BABAM2: variants seen among roughly 807,000 people sequenced by gnomAD.
BABAM2 encodes the protein BRISC and BRCA1 A complex member 2, also known as BRISC and BRCA1-A complex member 2.
A neutral mutation model predicts 54.7 loss-of-function variants in BABAM2; 31 were observed. That is an observed-to-expected ratio of 0.57 (90% CI 0.43 to 0.77). BABAM2 has a LOEUF of 0.77. Among genes scored for constraint, BABAM2 ranks in the 30% least tolerant of loss-of-function variants. The probability of loss-of-function intolerance (pLI) is 0.00; values close to 1 mark genes in which losing one functional copy is unlikely to be tolerated. For synonymous variants in BABAM2, 167 were observed against 162.9 expected, an observed-to-expected ratio of 1.03 and a Z score of -0.19; for missense variants, 364 against 455.8, an observed-to-expected ratio of 0.80 and a Z score of 1.83.
intron 5 of BABAM2, among the ~76,000 whole-genome samples, chr2:28,035,766 T>C (rs1222949272): frequency 6.6e-6 from 1 of 152,196 alleles, no homozygotes; most frequent in Non-Finnish European, 1.5e-5. Flanking sequence ...TTTTTAACCT[T>C]ATTAATAAAA....
rs371922509 is a variant in BABAM2 at position 27,894,735 on chromosome 2, A to G, written c.128+51A>G. ...ATGTACCAGAACCAATTCAACCTTT[A>G]CCTAATGACAGCCCTTCCTTACCAG... On this transcript the variant is annotated intron_variant, in intron 2 of 11. Transcript: ENST00000379624. 98 of 1,603,026 alleles carry G rather than the reference A, an allele frequency of 6.1e-5. 2 individuals are homozygous for G. The African/African-American group carries it at 1.2e-3, about 19-fold the overall frequency.
At position 27,929,656 on chromosome 2, in the gene BABAM2, C is replaced by T. The variant is rs567390175; in HGVS notation, c.129-176C>T. Among the ~76,000 whole-genome samples the T allele has an allele frequency of 9.0e-4, 137 of 152,222 alleles. 3 individuals carry two copies. Among genetic ancestry groups the T allele is most frequent in the Non-Finnish European group, 8.7e-4 (59 of 68,010 alleles). ...AATAAATGAATTATTTGTTTTAGGA[C>T]GAGTCTTCATGTCTTGGCTTCCATG... On this transcript the variant is annotated intron_variant, in intron 2 of 11. Transcript: ENST00000379624.
intron 4 of BABAM2, among the ~76,000 whole-genome samples, chr2:27,998,218 G>C (rs1423630490): frequency 6.6e-6 from 1 of 152,032 alleles, no homozygotes; most frequent in Non-Finnish European, 1.5e-5. Context: ...ATTGTCTTTG[G>C]TTGGTCGTCT....
At chr2:27,898,930 T>C (rs1341644906) in intron 2 of BABAM2, among the ~76,000 whole-genome samples, 3 of 151,720 alleles carry the variant, frequency 2.0e-5, no homozygotes, top group Non-Finnish European at 4.4e-5. Context: ...TTATGGTATG[T>C]AAATTACATC....
intron 10 of BABAM2, among the ~76,000 whole-genome samples, chr2:28,263,743 G>A (rs761800989): frequency 2.0e-5 from 3 of 152,186 alleles, no homozygotes; most frequent in Non-Finnish European, 4.4e-5. Context: ...GCACGTGGTG[G>A]GTAGGGATCC....
intron 10 of BABAM2, among the ~76,000 whole-genome samples, chr2:28,255,916 A>G (rs1683934287): frequency 6.6e-6 from 1 of 151,996 alleles, no homozygotes; most frequent in South Asian, 2.1e-4. Flanking sequence ...TCCGCCCACC[A>G]TAGCCTCCCA....
At chr2:28,217,428 A>C (rs1418779941) in intron 7 of BABAM2, among the ~76,000 whole-genome samples, 4 of 152,208 alleles carry the variant, frequency 2.6e-5, no homozygotes, top group Admixed American at 2.0e-4. Flanking sequence ...ATCCAGTTGA[A>C]CTGTAAGGAA....
intron 6 of BABAM2, among the ~76,000 whole-genome samples, chr2:28,116,637 C>T (rs1307354547): frequency 1.3e-5 from 2 of 152,126 alleles, no homozygotes; most frequent in African/African-American, 2.4e-5. Flanking sequence ...TCACAGCAAC[C>T]TGGAGAGGAG....
intron 7 of BABAM2, among the ~76,000 whole-genome samples, chr2:28,174,645 G>A (rs1470154442): frequency 3.3e-5 from 5 of 152,188 alleles, no homozygotes; most frequent in Admixed American, 1.3e-4. Flanking sequence ...CCAGCCATGG[G>A]AGAGCCTCTT....
Position 28,286,463 on chromosome 2 carries a change from G to C in BABAM2, c.935-11875G>C, listed in dbSNP as rs148625647. 2.8e-3 allele frequency among the ~76,000 whole-genome samples: 423 copies of C among 152,208 alleles called. 2 individuals are homozygous for C. The highest frequency in any genetic ancestry group is 9.7e-3 in the African/African-American group (403 of 41,534). ...CTCCACAGTTTGCAATCTTTATCCA[G>C]AGCCTCTCTGCTCCAGCTTCTGTCC... On this transcript the variant is annotated intron_variant, in intron 10 of 11. Coordinates refer to ENST00000379624, the MANE Select transcript of BABAM2 (RefSeq NM_199191.3).
chr2:28,111,202 C>T (rs993380619), intron 6 of BABAM2, among the ~76,000 whole-genome samples: 5 of 149,294 alleles, frequency 3.3e-5, no homozygotes, highest in Middle Eastern at 3.2e-3. Flanking sequence ...AGGCTGGTCT[C>T]GAACCCCTGA....
chr2:28,305,757 C>G (rs1293946922), intron 11 of BABAM2, among the ~76,000 whole-genome samples: 1 of 152,124 alleles, frequency 6.6e-6, no homozygotes, highest in Non-Finnish European at 1.5e-5. Context: ...ATTGATCCAT[C>G]ATGTCTAAGT....
intron 5 of BABAM2, among the ~76,000 whole-genome samples, chr2:28,044,092 G>A (rs1220968923): frequency 6.6e-6 from 1 of 152,136 alleles, no homozygotes; most frequent in African/African-American, 2.4e-5. Flanking sequence ...CCAGAGATTG[G>A]TGTAAGTTAA....
chr2:28,233,283 G>C, intron 7 of BABAM2: 1 of 471,114 alleles, frequency 2.1e-6, no homozygotes, highest in Non-Finnish European at 4.4e-6. Flanking sequence ...GGGTTAGTCA[G>C]GCCCTGCCTT....
At chr2:28,124,047 C>T (rs1330655630) in intron 6 of BABAM2, among the ~76,000 whole-genome samples, 1 of 152,032 alleles carries the variant, frequency 6.6e-6, no homozygotes, top group Non-Finnish European at 1.5e-5. Context: ...TTTTGGTGGC[C>T]CCTGGTTCTT....
intron 7 of BABAM2, among the ~76,000 whole-genome samples, chr2:28,224,849 GACAAA>G (rs1286532364): frequency 1.5e-3 from 88 of 60,412 alleles, no homozygotes; most frequent in South Asian, 9.0e-3. Context: ...ACGGTAAATT[GACAAA>G]AAAAAAAAAA....
intron 7 of BABAM2, among the ~76,000 whole-genome samples, chr2:28,205,782 A>C (rs181196822): frequency 1.9e-4 from 29 of 152,354 alleles, no homozygotes; most frequent in East Asian, 7.7e-4. Context: ...ATTTATATAT[A>C]TCTCACTTAC....
At chr2:28,282,163 T>C (rs1686414407) in intron 10 of BABAM2, among the ~76,000 whole-genome samples, 1 of 152,114 alleles carries the variant, frequency 6.6e-6, no homozygotes, top group African/African-American at 2.4e-5. Context: ...AGCAACAGTG[T>C]CAGATGCCAT....
chr2:28,107,772 C>A (rs62140430), intron 6 of BABAM2, among the ~76,000 whole-genome samples: 32,142 of 152,170 alleles, frequency 0.21, 4,321 homozygotes, highest in Middle Eastern at 0.33. Context: ...TCCCACTAGA[C>A]TGTGAAGATT....
Sources: allele counts gnomAD v4.1 joint callset (sites outside exome capture counted in the v4.1 genomes callset), GRCh38; gene constraint gnomAD v4.1.1; transcripts MANE v1.5; gene names NCBI Gene and HGNC (gene_info 2026-07-23, HGNC 2026-07-21).